Variants in CDH13 observed in about 807,000 individuals in gnomAD.
CDH13 encodes cadherin-13.
In CDH13, 24 loss-of-function variants were observed where a neutral mutation model predicts 63.8. That is an observed-to-expected ratio of 0.38 (90% confidence interval 0.27 to 0.53). The LOEUF (loss-of-function observed/expected upper bound fraction) is 0.53. Among genes scored for constraint, CDH13 ranks in the 20% least tolerant of loss-of-function variants. The pLI is 0.85. For synonymous variants in CDH13, 503 were observed against 355.3 expected, an observed-to-expected ratio of 1.42 and a Z score of -4.67; for missense variants, 1,049 against 903.1, an observed-to-expected ratio of 1.16 and a Z score of -2.07.
intron 6 of CDH13, among the ~76,000 whole-genome samples, chr16:83,435,449 A>G (rs2072266029): frequency 6.6e-6 from 1 of 152,108 alleles, no homozygotes; most frequent in Non-Finnish European, 1.5e-5. Flanking sequence ...GTTGCCCCAA[A>G]GCAACATCTA....
At chr16:83,502,868 T>C (rs1478367494) in intron 7 of CDH13, among the ~76,000 whole-genome samples, 6 of 152,200 alleles carry the variant, frequency 3.9e-5, no homozygotes, top group Non-Finnish European at 8.8e-5. Context: ...TTCTCAGGCA[T>C]CTCCATCGAC....
intron 5 of CDH13, among the ~76,000 whole-genome samples, chr16:83,217,871 T>G (rs1426078566): frequency 1.3e-5 from 2 of 152,176 alleles, no homozygotes; most frequent in Admixed American, 1.3e-4. Flanking sequence ...CAAGACATGG[T>G]CCTTAGGGTG....
intron 2 of CDH13, among the ~76,000 whole-genome samples, chr16:83,015,851 T>C (rs1371151278): frequency 6.6e-6 from 1 of 151,302 alleles, no homozygotes; most frequent in Non-Finnish European, 1.5e-5. Context: ...ATGTAAGAAT[T>C]ATTCAATTGC....
chr16:83,772,428 G>A (rs151328177), intron 11 of CDH13, among the ~76,000 whole-genome samples: 66 of 152,220 alleles, frequency 4.3e-4, no homozygotes, highest in African/African-American at 1.3e-3. Flanking sequence ...CCAGAAACAC[G>A]ATAAATTAGC....
chr16:82,774,479 T>C (rs1301824088), intron 1 of CDH13, among the ~76,000 whole-genome samples: 4 of 152,180 alleles, frequency 2.6e-5, no homozygotes, highest in African/African-American at 9.7e-5. Context: ...CACTACCTAG[T>C]GTCAGGGTCT....
chr16:83,320,839 C>G (rs1017763602), intron 5 of CDH13, among the ~76,000 whole-genome samples: 1 of 152,038 alleles, frequency 6.6e-6, no homozygotes, highest in Non-Finnish European at 1.5e-5. Context: ...GCTTAGGCTA[C>G]GAGAGTTGGA....
chr16:83,625,311 C>T (rs1326413597), intron 8 of CDH13, among the ~76,000 whole-genome samples: 2 of 152,168 alleles, frequency 1.3e-5, no homozygotes, highest in Non-Finnish European at 2.9e-5. Flanking sequence ...ATGCTTAATT[C>T]TTCCACGCTG....
intron 6 of CDH13, among the ~76,000 whole-genome samples, chr16:83,434,176 T>C (rs2072213262): frequency 6.6e-6 from 1 of 152,152 alleles, no homozygotes; most frequent in South Asian, 2.1e-4. Context: ...GCTCAGGTTA[T>C]TGAGAATTGT....
intron 10 of CDH13, among the ~76,000 whole-genome samples, chr16:83,733,650 A>C (rs1425357254): frequency 2.0e-5 from 3 of 152,210 alleles, no homozygotes; most frequent in African/African-American, 7.2e-5. Flanking sequence ...AGCTGGACTC[A>C]GAGACCCAGG....
chr16:83,326,322 C>A (rs143028360), intron 5 of CDH13, among the ~76,000 whole-genome samples: 4 of 152,234 alleles, frequency 2.6e-5, no homozygotes, highest in African/African-American at 9.6e-5. Flanking sequence ...TCTCTCTTAC[C>A]TGGGGCATAT....
At chr16:83,668,331 A>G (rs957287451) in intron 8 of CDH13, among the ~76,000 whole-genome samples, 1 of 152,240 alleles carries the variant, frequency 6.6e-6, no homozygotes, top group Non-Finnish European at 1.5e-5. Flanking sequence ...ACAGGTGCAC[A>G]TAGAGCCTCC....
chr16:83,364,312 A>C (rs1212351246), intron 6 of CDH13, among the ~76,000 whole-genome samples: 1 of 152,128 alleles, frequency 6.6e-6, no homozygotes, highest in Non-Finnish European at 1.5e-5. Flanking sequence ...TCTCTCCCTC[A>C]CTTTCCTGTT....
intron 3 of CDH13, among the ~76,000 whole-genome samples, chr16:83,125,100 C>A (rs1286408547): frequency 6.6e-6 from 1 of 152,140 alleles, no homozygotes; most frequent in African/African-American, 2.4e-5. Flanking sequence ...TTAAGAACAG[C>A]AATATGCAAG....
At chr16:83,014,590 G>T (rs117951382) in intron 2 of CDH13, among the ~76,000 whole-genome samples, 2 of 150,354 alleles carry the variant, frequency 1.3e-5, no homozygotes, top group Non-Finnish European at 3.0e-5. Context: ...AAAATTAGCC[G>T]AGTGGTGGCC....
intron 4 of CDH13, among the ~76,000 whole-genome samples, chr16:83,163,119 G>T (rs1478595780): frequency 6.6e-6 from 1 of 152,256 alleles, no homozygotes; most frequent in South Asian, 2.1e-4. Context: ...CCCTGCACAA[G>T]TTCTCTTCTC....
intron 5 of CDH13, among the ~76,000 whole-genome samples, chr16:83,234,557 G>A (rs2151807129): frequency 6.6e-6 from 1 of 152,280 alleles, no homozygotes; most frequent in Middle Eastern, 3.4e-3. Flanking sequence ...AACAACAACA[G>A]CTAGGCTTGA....
chr16:82,851,022 C>A (rs573493532), intron 1 of CDH13, among the ~76,000 whole-genome samples: 3 of 152,310 alleles, frequency 2.0e-5, no homozygotes, highest in East Asian at 1.9e-4. Flanking sequence ...TGGAACCGAA[C>A]CTGCAGTATC....
intron 1 of CDH13, among the ~76,000 whole-genome samples, chr16:82,746,935 C>G (rs1240043175): frequency 6.6e-6 from 1 of 152,092 alleles, no homozygotes; most frequent in Non-Finnish European, 1.5e-5. Flanking sequence ...CTGTTTCTTT[C>G]GTTTTTATAT....
intron 4 of CDH13, among the ~76,000 whole-genome samples, chr16:83,191,294 C>G (rs1174846471): frequency 6.8e-6 from 1 of 146,312 alleles, no homozygotes; most frequent in Admixed American, 7.1e-5. Context: ...TCTAGGCCAC[C>G]TCTACTGCAT....
Sources: allele counts gnomAD v4.1 joint callset (sites outside exome capture counted in the v4.1 genomes callset), GRCh38; gene constraint gnomAD v4.1.1; transcripts MANE v1.5; gene names NCBI Gene and HGNC (gene_info 2026-07-23, HGNC 2026-07-21).